The following NF1 variants were observed in gnomAD, a reference collection of about 807,000 sequenced individuals.
NF1 encodes neurofibromin.
A neutral mutation model predicts 325.7 loss-of-function variants in NF1; 122 were observed. The ratio of observed to expected loss-of-function variants is 0.37; its 90% CI spans 0.32 to 0.44. The LOEUF is 0.44. Among genes scored for constraint, NF1 ranks in the 20% least tolerant of loss-of-function variants. NF1 has a pLI of 1.00. For synonymous variants in NF1, 1,091 were observed against 1,186.0 expected, an observed-to-expected ratio of 0.92 and a Z score of 1.65; for missense variants, 2,140 against 3,415.4, an observed-to-expected ratio of 0.63 and a Z score of 9.31.
chr17:31,146,893 A>T (rs1383970723), intron 1 of NF1, among the ~76,000 whole-genome samples: 1 of 152,246 alleles, frequency 6.6e-6, no homozygotes, highest in East Asian at 1.9e-4. Context: ...TGTTCCTTGT[A>T]GGTGAGGCAA....
At chr17:31,152,290 T>G (rs1917001102) in intron 1 of NF1, among the ~76,000 whole-genome samples, 1 of 151,818 alleles carries the variant, frequency 6.6e-6, no homozygotes, top group African/African-American at 2.4e-5. Flanking sequence ...GGGTCACTTT[T>G]CCAGGTGTGT....
intron 36 of NF1, among the ~76,000 whole-genome samples, chr17:31,302,703 G>C (rs747013648): frequency 6.6e-6 from 1 of 151,990 alleles, no homozygotes; most frequent in East Asian, 1.9e-4. Flanking sequence ...AAATTAGCCA[G>C]GCGTGGTGGT....
intron 36 of NF1, chr17:31,304,937 A>C (rs2068669449): frequency 1.2e-6 from 2 of 1,614,036 alleles, no homozygotes; most frequent in South Asian, 1.1e-5. Flanking sequence ...AAGCATTTCC[A>C]AAGTACAATG....
chr17:31,169,630 C>T (rs1310319467), intron 4 of NF1, among the ~76,000 whole-genome samples: 1 of 152,080 alleles, frequency 6.6e-6, no homozygotes, highest in Non-Finnish European at 1.5e-5. Flanking sequence ...ATTGCAGCTT[C>T]AAACTTCTAG....
At chr17:31,113,127 T>C (rs1305329160) in intron 1 of NF1, among the ~76,000 whole-genome samples, 2 of 152,232 alleles carry the variant, frequency 1.3e-5, no homozygotes, top group African/African-American at 4.8e-5. Context: ...CCAGTTTTGA[T>C]AGAGATTCTG....
chr17:31,325,820 G>T lies in NF1; in HGVS notation c.4836G>T (p.Arg1612Ser), dbSNP rs1555533268. Residue 1612 changes from arginine (R) to serine (S), a missense_variant and splice_region_variant, in exon 37 of 58, where the codon AGG (arginine) becomes AGT (serine). Around this residue, in one of 10 missense-constraint regions of NF1, gnomAD observed 103 missense variants for 214.6 expected, o/e 0.48. Transcript: ENST00000358273. The stretch of plus-strand genomic sequence containing the variant: ...TTGTCTTTTTTGTCATTTTCCTTAG[G>T]TTCAAAACTGGTCAAATCAATGGTG... ...GNPIFYYVAR[R>S]FKTGQINGDL... 6.2e-7 allele frequency: 1 copy of T among 1,613,312 alleles called. No individual in the cohort carries two copies. The highest frequency in any genetic ancestry group is 8.5e-7 in the Non-Finnish European group (1 of 1,179,556).
chr17:31,352,405 A>C lies in NF1; in HGVS notation c.7606A>C (p.Lys2536Gln). ...GCAACCTTCTCAGGCCAACACTAAG[A>C]AGTTGCTTGGTTAGTTTATCTAAAT... ...MGQPSQANTKKLLGTRKSFDH... is the reference protein window; with the variant it reads ...MGQPSQANTKQLLGTRKSFDH... The change falls in exon 51 of 58, where the codon AAG (lysine) becomes CAG (glutamine). Residue 2536 changes from lysine to glutamine, a missense_variant. Coordinates refer to ENST00000358273, the MANE Select transcript of NF1 (RefSeq NM_001042492.3). 1 of 1,611,352 alleles carries C rather than the reference A, an allele frequency of 6.2e-7. No individual in the cohort carries two copies. Among genetic ancestry groups the C allele is most frequent in the Non-Finnish European group, 8.5e-7 (1 of 1,178,742 alleles).
At chr17:31,124,604 T>TC (rs1914712657) in intron 1 of NF1, among the ~76,000 whole-genome samples, 2 of 139,560 alleles carry the variant, frequency 1.4e-5, no homozygotes, top group East Asian at 2.0e-4. Flanking sequence ...TTTTTTTTTT[T>TC]TTTTTTTTTT....
intron 57 of NF1, chr17:31,367,228 C>A (rs1325391564): frequency 2.3e-6 from 3 of 1,310,626 alleles, no homozygotes; most frequent in Non-Finnish European, 3.0e-6. Context: ...TGTAAAGCTT[C>A]TCTGCCTTGC....
intron 11 of NF1, 113 bp from the exon 12 acceptor site, chr17:31,206,127 G>T: frequency 8.6e-7 from 1 of 1,167,536 alleles, no homozygotes; most frequent in Non-Finnish European, 1.3e-6. Context: ...TGTTTGCATG[G>T]TCTTAGAAAG....
At chr17:31,331,887 G>T (rs780588098) in intron 39 of NF1, 15 of 105,846 alleles carry the variant, frequency 1.4e-4, no homozygotes, top group Non-Finnish European at 2.4e-4. Context: ...GGATGATAGA[G>T]TGAGACCCTT....
intron 40 of NF1, among the ~76,000 whole-genome samples, chr17:31,335,934 C>T (rs576032732): frequency 3.2e-4 from 48 of 150,690 alleles, no homozygotes; most frequent in South Asian, 8.4e-4. Context: ...TCAAGCAATC[C>T]GCCCGCCTCA....
At chr17:31,362,859 G>A (rs1207788450) in intron 57 of NF1, among the ~76,000 whole-genome samples, 4 of 152,144 alleles carry the variant, frequency 2.6e-5, no homozygotes, top group Non-Finnish European at 4.4e-5. Context: ...AACCATTACA[G>A]GTTTCTCTGC....
In NF1 at chr17:31,184,431, C is replaced by T. The variant is rs1281250627; in HGVS notation, c.888+1766C>T. Among the ~76,000 whole-genome samples the T allele has an allele frequency of 4.0e-5, 6 of 151,814 alleles. No individual in the cohort carries two copies. The East Asian group carries it at 1.2e-3, about 30-fold the overall frequency. ...TTGGGAGGCCGAGGCGGGCGGATCA[C>T]GAGGTCAGGAGATCGAGACCATCCT... On this transcript the variant is annotated intron_variant, in intron 8 of 57. Transcript: ENST00000358273.
intron 50 of NF1, among the ~76,000 whole-genome samples, chr17:31,351,269 C>T (rs1346976247): frequency 6.6e-6 from 1 of 152,062 alleles, no homozygotes; most frequent in Non-Finnish European, 1.5e-5. Context: ...ATCAACATAA[C>T]TACAGTTAAT....
At chr17:31,293,834 C>A (rs2068403211) in intron 36 of NF1, among the ~76,000 whole-genome samples, 1 of 152,158 alleles carries the variant, frequency 6.6e-6, no homozygotes, top group Non-Finnish European at 1.5e-5. Flanking sequence ...TCTTTTGCTG[C>A]CTTGTGGCTG....
At chr17:31,182,986 A>C in intron 8 of NF1, 1 of 568,404 alleles carries the variant, frequency 1.8e-6, no homozygotes, top group East Asian at 2.8e-5. Context: ...GGATTGCCCT[A>C]CTTGAGTTCA....
chr17:31,239,122 G>A lies in NF1; in HGVS notation c.3974+3101G>A, dbSNP rs547708940. 7.6e-4 allele frequency among the ~76,000 whole-genome samples: 115 copies of A among 152,286 alleles called. 1 individual carries two copies. Among genetic ancestry groups the A allele is most frequent in the African/African-American group, 2.6e-3 (110 of 41,566 alleles). ...AGACTCAGATGTGGCAAGATGTATTGGAACTTTGAAATTGTCAAACTGAGA... is the reference window on the plus strand; with the variant it reads ...AGACTCAGATGTGGCAAGATGTATTAGAACTTTGAAATTGTCAAACTGAGA... On this transcript the variant is annotated intron_variant, in intron 29 of 57. Transcript: ENST00000358273.
At chr17:31,326,919 G>GTTTGT (rs777499000) in intron 37 of NF1, among the ~76,000 whole-genome samples, 24 of 151,938 alleles carry the variant, frequency 1.6e-4, no homozygotes, top group Admixed American at 1.4e-3. Context: ...CTATAAGATT[G>GTTTGT]TTTGTTTTGT....
Sources: gnomAD v4.1 joint callset for allele counts (sites outside exome capture counted in the v4.1 genomes callset) on GRCh38, gnomAD v4.1.1 for gene constraint, gnomAD v4.1.1 regional missense constraint, MANE v1.5 for transcripts, NCBI Gene and HGNC (gene_info 2026-07-23, HGNC 2026-07-21) for gene names.